The following DISP3 variants were observed in gnomAD, a reference collection of about 807,000 sequenced individuals.
DISP3 encodes protein dispatched homolog 3.
In DISP3, 101 loss-of-function variants were observed where a neutral mutation model predicts 135.3. The ratio of observed to expected loss-of-function variants is 0.75; its 90% CI spans 0.64 to 0.88. The LOEUF (loss-of-function observed/expected upper bound fraction) is 0.88, where lower values mean the gene tolerates loss of function less well. Among genes scored for constraint, DISP3 ranks in the 40% least tolerant of loss-of-function variants. DISP3 has a pLI of 0.00. For synonymous variants in DISP3, 856 were observed against 817.0 expected (o/e 1.05, Z -0.81); for missense variants, 1,713 against 1,878.6 (o/e 0.91, Z 1.63).
intron 12 of DISP3, 138 bp from the exon 13 acceptor site, chr1:11,526,513 C>A: frequency 1.0e-6 from 1 of 979,484 alleles, no homozygotes; most frequent in Non-Finnish European, 1.6e-6. Flanking sequence ...AAGCCTCTGC[C>A]CAGGGCTCTG....
rs61736678 is a variant in DISP3 at position 11,501,432 on chromosome 1, C to T, written c.440C>T (p.Thr147Met). ...RRDLADFTSE[T>M]LQRLISEQLQ... ...GATTTGGCCGACTTCACCTCCGAGACGCTTCAGCGCCTTATCTCAGAGCAG... is the reference window on the plus strand; with the variant it reads ...GATTTGGCCGACTTCACCTCCGAGATGCTTCAGCGCCTTATCTCAGAGCAG... Residue 147 changes from threonine (T) to methionine (M), a missense_variant, in exon 2 of 21, where the codon ACG (threonine) becomes ATG (methionine). By Grantham distance (81) the Thr-to-Met change is moderately conservative. Coordinates refer to ENST00000294484, the MANE Select transcript of DISP3 (RefSeq NM_020780.2). This position sits in a 1 kb window ranked among gnomAD's most constrained non-coding sequence, Gnocchi z 4.9. The T allele has an allele frequency of 1.4e-3, 2,285 of 1,593,096 alleles. 32 individuals are homozygous for T. The African/African-American group carries it at 0.029, about 20-fold the overall frequency.
rs921470486 is a variant in DISP3 at position 11,483,821 on chromosome 1, A to G, written c.-4+4449A>G. 5.3e-5 allele frequency among the ~76,000 whole-genome samples: 8 copies of G among 152,162 alleles called. No homozygotes were observed. The highest frequency in any genetic ancestry group is 1.0e-4 in the Non-Finnish European group (7 of 68,028). ...TGTGAACCTTGGAGTGTGAAAGACAACTTAACTCTGTAAGAGGTCAAGGAT... is the reference window on the plus strand; with the variant it reads ...TGTGAACCTTGGAGTGTGAAAGACAGCTTAACTCTGTAAGAGGTCAAGGAT... On this transcript the variant is annotated intron_variant, in intron 1 of 20. Coordinates refer to ENST00000294484, the MANE Select transcript of DISP3 (RefSeq NM_020780.2). This position sits in a 1 kb window ranked among gnomAD's most constrained non-coding sequence, Gnocchi z 5.4.
At chr1:11,487,181 C>T (rs1463860719) in intron 1 of DISP3, among the ~76,000 whole-genome samples, 2 of 152,214 alleles carry the variant, frequency 1.3e-5, no homozygotes, top group African/African-American at 4.8e-5. Context: ...CTCATCCCCC[C>T]AGTCTTGAAA....
chr1:11,535,644 G>C lies in DISP3; in HGVS notation c.3816G>C (p.Glu1272Asp). 1 of 1,610,654 alleles carries C rather than the reference G, an allele frequency of 6.2e-7. No homozygotes were observed. The highest frequency in any genetic ancestry group is 8.5e-7 in the Non-Finnish European group (1 of 1,179,294). Reference sequence around the variant, plus strand: ...AGAACCTGCCCCCCCACCAGGCCGAGGTGCGCACCCTGCCCGCCTTACCCA... The same window carrying C: ...AGAACCTGCCCCCCCACCAGGCCGACGTGCGCACCCTGCCCGCCTTACCCA... Reference protein sequence around the residue: ...AGENLPPHQAEDARTQRQWRT... With the variant: ...AGENLPPHQADDARTQRQWRT... Residue 1272 changes from glutamate to aspartate, a missense_variant and splice_region_variant, in exon 20 of 21, where the codon GAG (glutamate) becomes GAC (aspartate). Physicochemically the swap from Glu to Asp is conservative, Grantham distance 45. Around this residue, in one of 2 missense-constraint regions of DISP3, gnomAD observed 1,142 missense variants for 1,384.6 expected, o/e 0.82. Transcript: ENST00000294484.
At chr1:11,522,922 A>AAAGACCCAGCC (rs1642283731) in intron 10 of DISP3, among the ~76,000 whole-genome samples, 1 of 22,628 alleles carries the variant, frequency 4.4e-5, no homozygotes, top group Non-Finnish European at 8.9e-5. Flanking sequence ...AGGACCCAGC[A>AAAGACCCAGCC]AGGACCCAGC....
At chr1:11,532,853 A>G (rs1642609202) in intron 17 of DISP3, among the ~76,000 whole-genome samples, 1 of 151,872 alleles carries the variant, frequency 6.6e-6, no homozygotes, top group African/African-American at 2.4e-5. Flanking sequence ...GCACACCATC[A>G]CACCTAGCTA....
chr1:11,481,292 T>G (rs1640898280), intron 1 of DISP3: 1 of 152,294 alleles, frequency 6.6e-6, no homozygotes, highest in Non-Finnish European at 1.5e-5. Context: ...TTTGGAAATC[T>G]GACGACCCTC....
intron 1 of DISP3, among the ~76,000 whole-genome samples, chr1:11,487,683 C>T (rs1222953815): frequency 6.6e-6 from 1 of 152,212 alleles, no homozygotes; most frequent in African/African-American, 2.4e-5. Flanking sequence ...CCAGAACACC[C>T]TTGGCTCAGG....
At position 11,525,263 on chromosome 1, in the gene DISP3, C is replaced by T; in HGVS notation, c.2564C>T (p.Ala855Val). 1 of 1,614,068 alleles carries T rather than the reference C, an allele frequency of 6.2e-7. No individual in the cohort carries two copies. ...CTCTCCCTCAATGCCAGCCTGCCTG[C>T]TCCTTGGCAGGCTGTGTCGCCTGGG... Reference protein sequence around the residue: ...YRLSLNASLPAPWQAVSPGDG... With the variant: ...YRLSLNASLPVPWQAVSPGDG... The change falls in exon 12 of 21, where the codon GCT becomes GTT. Residue 855 changes from alanine to valine, a missense_variant. This residue lies in a region of DISP3 where 1,142 missense variants were observed against 1,384.6 expected (regional missense o/e 0.82). Transcript: ENST00000294484.
chr1:11,533,554 G>A, intron 17 of DISP3: 1 of 535,242 alleles, frequency 1.9e-6, no homozygotes. Context: ...ACTGCGCCCA[G>A]CCGGTGACTG....
rs1641549080 is a variant in DISP3, at chr1:11,501,965, C to G, written c.973C>G (p.Leu325Val). 1.2e-6 allele frequency: 2 copies of G among 1,613,914 alleles called. No individual in the cohort carries two copies. The highest frequency in any genetic ancestry group is 1.7e-5 in the Admixed American group (1 of 60,018). ...GAAGCCCCACGAGGTGCTCAAGGAT[C>G]TGCCGCTGGGCTCCTACTCCTACTG... ...CWKPHEVLKDLPLGSYSYCSP... is the reference protein window; with the variant it reads ...CWKPHEVLKDVPLGSYSYCSP... The change falls in exon 2 of 21, where the codon CTG becomes GTG. Residue 325 changes from leucine (L) to valine (V), a missense_variant. Coordinates refer to ENST00000294484, the MANE Select transcript of DISP3 (RefSeq NM_020780.2). The surrounding 1 kb of genome is among the most constrained non-coding windows in gnomAD (Gnocchi z 4.9).
Position 11,501,828 on chromosome 1 carries a change from T to G in DISP3, c.836T>G (p.Phe279Cys). The G allele has an allele frequency of 6.2e-7, 1 of 1,611,222 alleles. No individual in the cohort carries two copies. The part of the protein sequence containing the change: ...THAHWRIELI[F>C]LARGDAERNI... ...GCGCACTGGCGCATCGAGCTCATCT[T>G]CCTGGCGCGCGGCGACGCGGAGCGC... Residue 279 changes from phenylalanine to cysteine, a missense_variant, in exon 2 of 21, where the codon TTC (phenylalanine) becomes TGC (cysteine). Coordinates refer to ENST00000294484, the MANE Select transcript of DISP3 (RefSeq NM_020780.2). This position sits in a 1 kb window ranked among gnomAD's most constrained non-coding sequence, Gnocchi z 4.9.
rs778206374 is a variant in DISP3, at chr1:11,529,879, G to A, written c.3022G>A (p.Gly1008Arg). The A allele has an allele frequency of 1.3e-5, 21 of 1,613,936 alleles. No individual in the cohort carries two copies. The South Asian group carries it at 1.5e-4, about 12-fold the overall frequency. Reference protein sequence around the residue: ...KPAVRPLVDTGAMVFVVFGII... With the variant: ...KPAVRPLVDTRAMVFVVFGII... ...GGCGGTGCGGCCACTAGTGGATACC[G>A]GGGCCATGGTCTTTGTGGTCTTCGG... is the stretch of plus-strand genomic sequence containing the variant. Residue 1008 changes from glycine to arginine, a missense_variant, in exon 15 of 21, where the codon GGG becomes AGG. By Grantham distance (125) the Gly-to-Arg change is moderately radical (BLOSUM62 -2). Around this residue, in one of 2 missense-constraint regions of DISP3, gnomAD observed 1,142 missense variants for 1,384.6 expected, o/e 0.82. Coordinates refer to ENST00000294484, the MANE Select transcript of DISP3 (RefSeq NM_020780.2). The surrounding 1 kb of genome is among the most constrained non-coding windows in gnomAD (Gnocchi z 4.7).
rs113054302 is a variant in DISP3 at position 11,521,428 on chromosome 1, G to C, written c.2362+580G>C. 5.0e-5 allele frequency among the ~76,000 whole-genome samples: 6 copies of C among 119,880 alleles called. No homozygotes were observed. In the South Asian group the frequency reaches 2.1e-3, roughly 41 times the overall value. 78.6% of individuals were successfully genotyped at this position (119,880 alleles called of 152,430 possible). A position where few individuals can be genotyped will look rare whatever the true frequency, so the allele number is the denominator to read the frequency against. Reference sequence around the variant, plus strand: ...GGAGGGGAGAGGAGGGAAGGGGTTAGCCAGGCTGGGAGGGGAGAGGAGGGA... The same window carrying C: ...GGAGGGGAGAGGAGGGAAGGGGTTACCCAGGCTGGGAGGGGAGAGGAGGGA... On this transcript the variant is annotated intron_variant, in intron 10 of 20. Transcript: ENST00000294484.
At position 11,523,987 on chromosome 1, in the gene DISP3, C is replaced by G. The variant is rs758012827; in HGVS notation, c.2408C>G (p.Thr803Arg). The change falls in exon 11 of 21, where the codon ACG (threonine) becomes AGG (arginine). Residue 803 changes from threonine to arginine, a missense_variant. By Grantham distance (71) the Thr-to-Arg change is moderately conservative. Transcript: ENST00000294484. ...KPHSLQNNIR[T>R]SLEKKRRGSG... ...CACAGCCTGCAGAACAACATCCGGA[C>G]GTCCCTGGAGAAGAAGAGGCGAGGC... 1 of 1,613,096 alleles carries G rather than the reference C, an allele frequency of 6.2e-7. No homozygotes were observed. Among genetic ancestry groups the G allele is most frequent in the East Asian group, 2.2e-5 (1 of 44,830 alleles).
Position 11,480,511 on chromosome 1 carries a change from G to A in DISP3, c.-4+1139G>A, listed in dbSNP as rs559378955. Among the ~76,000 whole-genome samples, 6 of 152,190 alleles carry A rather than the reference G, an allele frequency of 3.9e-5. No individual in the cohort carries two copies. In the South Asian group the frequency reaches 1.2e-3, roughly 32 times the overall value. On this transcript the variant is annotated intron_variant, in intron 1 of 20. Coordinates refer to ENST00000294484, the MANE Select transcript of DISP3 (RefSeq NM_020780.2). Reference sequence around the variant, plus strand: ...CAAGCACACACGTTCGTGGACCTGGGCAGCATCTTCGCCCCCGCTCTGCAC... The same window carrying A: ...CAAGCACACACGTTCGTGGACCTGGACAGCATCTTCGCCCCCGCTCTGCAC...
Position 11,529,662 on chromosome 1 carries a change from T to C in DISP3, c.2905T>C (p.Phe969Leu). ...SSSPDGPTKG[F>L]FFVPSEKVPK... The stretch of plus-strand genomic sequence containing the variant: ...CAGCCCCGATGGGCCTACCAAAGGC[T>C]TCTTCTTCGTGCCTAGTGAGAAAGG... The change falls in exon 14 of 21, where the codon TTC becomes CTC. Residue 969 changes from phenylalanine to leucine, a missense_variant. This residue lies in a region of DISP3 where 1,142 missense variants were observed against 1,384.6 expected (regional missense o/e 0.82). Transcript: ENST00000294484. This position sits in a 1 kb window ranked among gnomAD's most constrained non-coding sequence, Gnocchi z 4.7. The C allele has an allele frequency of 6.2e-7, 1 of 1,607,728 alleles. No individual in the cohort carries two copies. The highest frequency in any genetic ancestry group is 8.5e-7 in the Non-Finnish European group (1 of 1,175,026).
rs1641522508 is a variant in DISP3, at chr1:11,501,574, G to A, written c.582G>A (p.Lys194=). The change falls in exon 2 of 21, where the codon AAG becomes AAA. Residue 194 remains lysine (K), a synonymous_variant. Coordinates refer to ENST00000294484, the MANE Select transcript of DISP3 (RefSeq NM_020780.2). The surrounding 1 kb of genome is among the most constrained non-coding windows in gnomAD (Gnocchi z 4.9). ...GPYRDTSAAQ[K]PTANRSGRLR... ...ACCGGGACACTTCCGCGGCTCAAAA[G>A]CCCACAGCCAATCGGAGCGGGCGAC... 1 of 1,591,424 alleles carries A rather than the reference G, an allele frequency of 6.3e-7. No homozygotes were observed. Among genetic ancestry groups the A allele is most frequent in the African/African-American group, 1.3e-5 (1 of 74,556 alleles).
rs115471091 is a variant in DISP3, at chr1:11,495,809, G to T, written c.-3-5181G>T. Among the ~76,000 whole-genome samples the T allele has an allele frequency of 4.6e-3, 693 of 152,280 alleles. 5 individuals are homozygous for T. Among genetic ancestry groups the T allele is most frequent in the African/African-American group, 0.016 (667 of 41,550 alleles). ...TCCTTCTGCTTTCTCACTGGGCGCTGTCCTGCTACAACCTAAGCCAACTCT... is the reference window on the plus strand; with the variant it reads ...TCCTTCTGCTTTCTCACTGGGCGCTTTCCTGCTACAACCTAAGCCAACTCT... On this transcript the variant is annotated intron_variant, in intron 1 of 20. Coordinates refer to ENST00000294484, the MANE Select transcript of DISP3 (RefSeq NM_020780.2).
Sources: gnomAD v4.1 joint callset for allele counts (sites outside exome capture counted in the v4.1 genomes callset) on GRCh38, gnomAD v4.1.1 for gene constraint, gnomAD v4.1.1 regional missense constraint, Gnocchi (gnomAD v3.1) non-coding constraint, MANE v1.5 for transcripts, NCBI Gene and HGNC (gene_info 2026-07-23, HGNC 2026-07-21) for gene names.